NSD3: variants seen among roughly 807,000 people sequenced by gnomAD.
The protein encoded by NSD3 is histone-lysine N-methyltransferase NSD3.
NSD3 carries 24 observed loss-of-function variants against 160.8 expected under a neutral mutation model. That is an observed-to-expected ratio of 0.15 (90% confidence interval 0.11 to 0.21). The LOEUF (loss-of-function observed/expected upper bound fraction) is 0.21, where lower values mean the gene tolerates loss of function less well. Among genes scored for constraint, NSD3 ranks in the 10% least tolerant of loss-of-function variants. NSD3 has a pLI of 1.00. For missense variants in NSD3, 1,157 were observed against 1,735.9 expected (o/e 0.67, Z 5.93); for synonymous variants, 520 against 600.0 (o/e 0.87, Z 1.95).
rs753491410 is a variant in NSD3 at position 38,289,523 on chromosome 8, C to T, written c.3119-18G>A. ...TTCCAGTGCTGCCAATAAGATGATA[C>T]AAAGTATGTAAATACCAAAAACCAA... On this transcript the variant is annotated intron_variant, in intron 17 of 23. Transcript: ENST00000317025. The T allele has an allele frequency of 3.7e-6, 6 of 1,605,838 alleles. No individual in the cohort carries two copies. The highest frequency in any genetic ancestry group is 2.7e-5 in the African/African-American group (2 of 74,178).
In NSD3 at chr8:38,271,395, T is replaced by C. The variant is rs1257347442; in HGVS notation, c.*4246A>G. 1.3e-5 allele frequency: 2 copies of C among 151,882 alleles called. No homozygotes were observed. The highest frequency in any genetic ancestry group is 4.8e-5 in the African/African-American group (2 of 41,380). The allele number at this position is 151,882 out of a possible 1,614,324, so 9.4% of individuals were successfully genotyped here. A position where few individuals can be genotyped will look rare whatever the true frequency, so the allele number is the denominator to read the frequency against. On this transcript the variant is annotated 3_prime_UTR_variant, in exon 24 of 24. Coordinates refer to ENST00000317025, the MANE Select transcript of NSD3 (RefSeq NM_023034.2). ...GACTATTTCGTACCTGTGGTAAACA[T>C]TATCCCCCCCCTTACCCTTTACCAG...
At chr8:38,315,335 C>T (rs1370383294) in intron 11 of NSD3, 81 bp downstream of exon 11, 2 of 1,403,118 alleles carry the variant, frequency 1.4e-6, no homozygotes, top group African/African-American at 1.5e-5. Context: ...AACATATTAT[C>T]CTCTTCAACA....
intron 1 of NSD3, among the ~76,000 whole-genome samples, chr8:38,356,014 T>C (rs1810815366): frequency 6.6e-6 from 1 of 152,184 alleles, no homozygotes; most frequent in Non-Finnish European, 1.5e-5. Flanking sequence ...TCCCTAAATA[T>C]GTAAACAACA....
At chr8:38,346,049 T>C (rs1810515235) in intron 2 of NSD3, among the ~76,000 whole-genome samples, 1 of 151,920 alleles carries the variant, frequency 6.6e-6, no homozygotes, top group Non-Finnish European at 1.5e-5. Context: ...CATTGCAAAA[T>C]GACTACTAGA....
chr8:38,285,407 C>T (rs905475049), intron 19 of NSD3, among the ~76,000 whole-genome samples: 3 of 152,166 alleles, frequency 2.0e-5, no homozygotes, highest in African/African-American at 7.2e-5. Flanking sequence ...CCTGTAAATA[C>T]CCCGAATATC....
rs1382733223 is a variant in NSD3, at chr8:38,299,378, T to C, written c.2758+66A>G. ...GCTTGACAGGCATACATTTCCCCCC[T>C]ATATTGAAAGAGAAAAAAATAGGAA... is the stretch of plus-strand genomic sequence containing the variant. On this transcript the variant is annotated intron_variant, in intron 15 of 23. Transcript: ENST00000317025. 2.0e-6 allele frequency: 3 copies of C among 1,531,276 alleles called. No homozygotes were observed. In the African/African-American group the frequency reaches 4.1e-5, roughly 21 times the overall value. 94.9% of individuals were successfully genotyped at this position (1,531,276 alleles called of 1,614,324 possible).
Position 38,329,719 on chromosome 8 carries a change from T to A in NSD3, c.1240A>T (p.Thr414Ser). ...SQAKKSVASK[T>S]EVKKTRRPRS... ...GGTCGTCGGGTTTTTTTAACTTCGG[T>A]TTTGGAGGCAACACTCTTTTTTGCT... is the stretch of plus-strand genomic sequence containing the variant. Residue 414 changes from threonine to serine, a missense_variant, in exon 6 of 24, where the codon ACC becomes TCC. Thr to Ser is a moderately conservative substitution (Grantham distance 58). Coordinates refer to ENST00000317025, the MANE Select transcript of NSD3 (RefSeq NM_023034.2). This position sits in a 1 kb window ranked among gnomAD's most constrained non-coding sequence, Gnocchi z 4.8. 6.2e-7 allele frequency: 1 copy of A among 1,614,090 alleles called. No homozygotes were observed.
rs61532119 is a variant in NSD3, at chr8:38,373,934, C to CAA, written c.-45+7863_-45+7864dup. ...GCAACTTGGCAAAACTCTGTCTCTA[C>CAA]AAAAAAAAAAAAAAAAAAAAAAAAA... is the stretch of plus-strand genomic sequence containing the variant. On this transcript the variant is annotated intron_variant, in intron 1 of 23. Coordinates refer to ENST00000317025, the MANE Select transcript of NSD3 (RefSeq NM_023034.2). Among the ~76,000 whole-genome samples the CAA allele has an allele frequency of 8.2e-3, 204 of 24,914 alleles. 1 individual carries two copies. Among genetic ancestry groups the CAA allele is most frequent in the Non-Finnish European group, 9.7e-3 (118 of 12,156 alleles). 16.3% of individuals were successfully genotyped at this position (24,914 alleles called of 152,430 possible). A position where few individuals can be genotyped will look rare whatever the true frequency, so the allele number is the denominator to read the frequency against.
chr8:38,329,918 G>T lies in NSD3; in HGVS notation c.1066-25C>A. 1 of 1,542,344 alleles carries T rather than the reference G, an allele frequency of 6.5e-7. No individual in the cohort carries two copies. Among genetic ancestry groups the T allele is most frequent in the South Asian group, 1.2e-5 (1 of 80,094 alleles). On this transcript the variant is annotated intron_variant, in intron 5 of 23. Transcript: ENST00000317025. The surrounding 1 kb of genome is among the most constrained non-coding windows in gnomAD (Gnocchi z 4.8). ...TCTTTAAAAAAGATAGAGATTATCA[G>T]ACATGCTTTACTCTAATAGGTACAT...
intron 23 of NSD3, 84 bp from the exon 24 acceptor site, chr8:38,275,966 T>C (rs1585846967): frequency 2.5e-6 from 3 of 1,203,476 alleles, no homozygotes; most frequent in East Asian, 5.1e-5. Context: ...CCAGGTTCCT[T>C]CTTCTCTCAT....
intron 1 of NSD3, among the ~76,000 whole-genome samples, chr8:38,371,695 T>A (rs2150395413): frequency 6.6e-6 from 1 of 152,306 alleles, no homozygotes; most frequent in East Asian, 1.9e-4. Flanking sequence ...TCTGATGCAT[T>A]TGAATCTTGC....
At position 38,305,289 on chromosome 8, in the gene NSD3, G is replaced by C. The variant is rs1172187950; in HGVS notation, c.2399C>G (p.Ser800Cys). The C allele has an allele frequency of 6.2e-7, 1 of 1,614,206 alleles. No individual in the cohort carries two copies. The highest frequency in any genetic ancestry group is 1.7e-5 in the Admixed American group (1 of 60,026). Residue 800 changes from serine to cysteine, a missense_variant, in exon 13 of 24, where the codon TCT becomes TGT. This residue lies in a region of NSD3 where 437 missense variants were observed against 576.6 expected (regional missense o/e 0.76). Transcript: ENST00000317025. ...GATATCTTTCTCCATAGAGCAGGCAGAGCAGCAGTGCTGAGGACAGCGGAA... is the reference window on the plus strand; with the variant it reads ...GATATCTTTCTCCATAGAGCAGGCACAGCAGCAGTGCTGAGGACAGCGGAA... ...KGFRCPQHCC[S>C]ACSMEKDIHK...
intron 1 of NSD3, among the ~76,000 whole-genome samples, chr8:38,357,618 C>CCT (rs1810857762): frequency 1.3e-5 from 2 of 152,172 alleles, no homozygotes; most frequent in East Asian, 1.9e-4. Flanking sequence ...GAGTAACTTT[C>CCT]CTCTGTGTTC....
At position 38,347,727 on chromosome 8, in the gene NSD3, C is replaced by A. The variant is rs751578478; in HGVS notation, c.445G>T (p.Gly149Cys). The A allele has an allele frequency of 9.3e-6, 15 of 1,612,120 alleles. No individual in the cohort carries two copies. The South Asian group carries it at 1.6e-4, about 18-fold the overall frequency. ...ATTTTTAGTTTAATTTCAGGTGAGCCAGTCTTCTTTGGAATCACAGTTTGT... is the reference window on the plus strand; with the variant it reads ...ATTTTTAGTTTAATTTCAGGTGAGCAAGTCTTCTTTGGAATCACAGTTTGT... ...VPQTVIPKKT[G>C]SPEIKLKITK... The change falls in exon 2 of 24, where the codon GGC (glycine) becomes TGC (cysteine). Residue 149 changes from glycine to cysteine, a missense_variant. Physicochemically the swap from Gly to Cys is radical, Grantham distance 159 (BLOSUM62 -3). Coordinates refer to ENST00000317025, the MANE Select transcript of NSD3 (RefSeq NM_023034.2).
chr8:38,320,712 C>A, intron 8 of NSD3: 1 of 161,004 alleles, frequency 6.2e-6, no homozygotes. Context: ...GCAGCTTAAA[C>A]CAAAAATCAA....
At chr8:38,326,008 T>G (rs1809901774) in intron 7 of NSD3, among the ~76,000 whole-genome samples, 1 of 151,148 alleles carries the variant, frequency 6.6e-6, no homozygotes, top group African/African-American at 2.4e-5. Context: ...AGTAGCTGGG[T>G]GTGTTGGCAT....
At chr8:38,325,071 C>A (rs1416906075) in intron 7 of NSD3, among the ~76,000 whole-genome samples, 4 of 152,204 alleles carry the variant, frequency 2.6e-5, no homozygotes, top group Non-Finnish European at 5.9e-5. Flanking sequence ...GCTGCTCTAG[C>A]AAATGACTAA....
chr8:38,363,361 G>T (rs1811031118), intron 1 of NSD3, among the ~76,000 whole-genome samples: 2 of 152,272 alleles, frequency 1.3e-5, no homozygotes, highest in South Asian at 4.1e-4. Flanking sequence ...TGGAGGAAGA[G>T]GGCCGGGCAT....
intron 1 of NSD3, among the ~76,000 whole-genome samples, chr8:38,375,012 A>T (rs1300732636): frequency 6.6e-6 from 1 of 152,130 alleles, no homozygotes. Flanking sequence ...TCGAAAAAAA[A>T]ATTTAAAAAT....
Sources: gnomAD v4.1 joint callset for allele counts (sites outside exome capture counted in the v4.1 genomes callset) on GRCh38, gnomAD v4.1.1 for gene constraint, gnomAD v4.1.1 regional missense constraint, Gnocchi (gnomAD v3.1) non-coding constraint, MANE v1.5 for transcripts, NCBI Gene and HGNC (gene_info 2026-07-23, HGNC 2026-07-21) for gene names.